Variants in GABRG3 observed in about 807,000 individuals in gnomAD.
GABRG3 encodes gamma-aminobutyric acid type A receptor subunit gamma3, also known as gamma-aminobutyric acid receptor subunit gamma-3.
A neutral mutation model predicts 48.8 loss-of-function variants in GABRG3; 25 were observed. That is an observed-to-expected ratio of 0.51 (90% CI 0.37 to 0.72). GABRG3 has a LOEUF of 0.72. Ranked by LOEUF, GABRG3 falls within the 30% of genes least tolerant of loss-of-function variation. The probability of loss-of-function intolerance (pLI) is 0.00; values close to 1 mark genes in which losing one functional copy is unlikely to be tolerated. For missense variants in GABRG3, 394 were observed against 577.9 expected (o/e 0.68, Z 3.26); for synonymous variants, 227 against 217.6 (o/e 1.04, Z -0.38).
At chr15:27,495,234 C>T (rs1890456568) in intron 6 of GABRG3, among the ~76,000 whole-genome samples, 3 of 152,162 alleles carry the variant, frequency 2.0e-5, no homozygotes, top group Admixed American at 6.5e-5. Flanking sequence ...TCCCTTTGTG[C>T]CTGGCTTATT....
rs1292609621 is a variant in GABRG3, at chr15:27,134,261, C to T, written c.270+107440C>T. On this transcript the variant is annotated intron_variant, in intron 3 of 9. Coordinates refer to ENST00000615808, the MANE Select transcript of GABRG3 (RefSeq NM_033223.5). ...TTAACTTAAGCATACACTTTATTAA[C>T]GAGCAGACTGCAGGTACTAAACACA... 2.0e-5 allele frequency among the ~76,000 whole-genome samples: 3 copies of T among 152,154 alleles called. 1 individual carries two copies. Among genetic ancestry groups the T allele is most frequent in the African/African-American group, 7.2e-5 (3 of 41,440 alleles).
chr15:27,454,042 C>T (rs535194163), intron 5 of GABRG3, among the ~76,000 whole-genome samples: 7 of 152,324 alleles, frequency 4.6e-5, no homozygotes, highest in East Asian at 1.9e-4. Flanking sequence ...ATGTCCACAC[C>T]GGGAGGTAGT....
intron 3 of GABRG3, among the ~76,000 whole-genome samples, chr15:27,136,877 G>C (rs1898017961): frequency 6.6e-6 from 1 of 151,920 alleles, no homozygotes; most frequent in South Asian, 2.1e-4. Context: ...CCCTAACCTA[G>C]GGGGCTCTCT....
intron 3 of GABRG3, among the ~76,000 whole-genome samples, chr15:27,127,886 G>A (rs1897849001): frequency 6.6e-6 from 1 of 152,186 alleles, no homozygotes. Context: ...AGGTGTGGAG[G>A]GTGGAGATGA....
chr15:27,020,191 G>A (rs1272027141), intron 2 of GABRG3, among the ~76,000 whole-genome samples: 1 of 152,094 alleles, frequency 6.6e-6, no homozygotes. Flanking sequence ...CCTGCAGTCA[G>A]GCCGCACCCT....
intron 3 of GABRG3, among the ~76,000 whole-genome samples, chr15:27,239,738 A>C (rs1476354090): frequency 6.6e-6 from 1 of 152,186 alleles, no homozygotes; most frequent in Non-Finnish European, 1.5e-5. Flanking sequence ...CATCTGCTTA[A>C]ATATATTGGT....
At chr15:27,408,612 C>T (rs1298893330) in intron 5 of GABRG3, among the ~76,000 whole-genome samples, 4 of 152,128 alleles carry the variant, frequency 2.6e-5, no homozygotes, top group South Asian at 2.1e-4. Flanking sequence ...CTGTGAGGGC[C>T]GCGGGTCTGC....
chr15:27,108,899 C>G (rs993251565), intron 3 of GABRG3, among the ~76,000 whole-genome samples: 3 of 151,910 alleles, frequency 2.0e-5, no homozygotes, highest in African/African-American at 7.3e-5. Context: ...TCCAACTTTC[C>G]TTTGATTAAA....
At chr15:27,050,122 T>G (rs1896432420) in intron 3 of GABRG3, among the ~76,000 whole-genome samples, 1 of 152,200 alleles carries the variant, frequency 6.6e-6, no homozygotes, top group Non-Finnish European at 1.5e-5. Context: ...CTGATACCTA[T>G]GTATATGCAG....
At chr15:27,521,442 G>C (rs1396317060) in intron 7 of GABRG3, among the ~76,000 whole-genome samples, 1 of 152,048 alleles carries the variant, frequency 6.6e-6, no homozygotes, top group Non-Finnish European at 1.5e-5. Context: ...AGATAATATA[G>C]TGCAGACTCT....
intron 3 of GABRG3, among the ~76,000 whole-genome samples, chr15:27,054,111 C>A (rs1757331970): frequency 6.6e-6 from 1 of 152,022 alleles, no homozygotes; most frequent in Non-Finnish European, 1.5e-5. Context: ...AAATAGCACG[C>A]ACCTGTAATC....
chr15:27,462,241 C>A (rs1183735255), intron 5 of GABRG3, among the ~76,000 whole-genome samples: 2 of 152,116 alleles, frequency 1.3e-5, no homozygotes, highest in African/African-American at 2.4e-5. Context: ...AGCTTATCAG[C>A]ATCTGCCTGT....
chr15:27,492,946 TA>T (rs5811490), intron 6 of GABRG3, among the ~76,000 whole-genome samples: 105,593 of 152,074 alleles, frequency 0.69, 37,046 homozygotes, highest in East Asian at 0.87. Context: ...AATAGTTGTA[TA>T]AAAATCTTCT....
At chr15:27,279,122 AG>A (rs1431435555) in intron 3 of GABRG3, among the ~76,000 whole-genome samples, 2 of 152,096 alleles carry the variant, frequency 1.3e-5, no homozygotes, top group African/African-American at 4.8e-5. Context: ...TCATTTTCTA[AG>A]TGAATTGTTT....
intron 3 of GABRG3, among the ~76,000 whole-genome samples, chr15:27,064,963 TAGTC>T (rs1266386139): frequency 6.6e-5 from 10 of 152,222 alleles, no homozygotes; most frequent in Admixed American, 2.0e-4. Context: ...ACACTAATTT[TAGTC>T]AGTTAAATTT....
intron 3 of GABRG3, among the ~76,000 whole-genome samples, chr15:27,161,859 C>G (rs866869319): frequency 1.3e-5 from 2 of 152,096 alleles, no homozygotes; most frequent in Non-Finnish European, 2.9e-5. Context: ...TAATACATCA[C>G]AGCTTCTATA....
chr15:27,220,498 T>C (rs187581560), intron 3 of GABRG3, among the ~76,000 whole-genome samples: 11 of 152,260 alleles, frequency 7.2e-5, no homozygotes, highest in Admixed American at 3.3e-4. Flanking sequence ...TTTAGGCTCC[T>C]CAGGAAGAAA....
chr15:27,313,268 A>G (rs1221000684), intron 3 of GABRG3, among the ~76,000 whole-genome samples: 3,022 of 31,926 alleles, frequency 0.095, 77 homozygotes, highest in African/African-American at 0.14. Flanking sequence ...GTGTGTATAT[A>G]TATATATATA....
At chr15:27,288,956 C>A (rs1891710229) in intron 3 of GABRG3, among the ~76,000 whole-genome samples, 1 of 152,234 alleles carries the variant, frequency 6.6e-6, no homozygotes, top group Middle Eastern at 3.4e-3. Context: ...GTATAGAATT[C>A]TTGGTTAAGA....
Sources: gnomAD v4.1 joint callset for allele counts (sites outside exome capture counted in the v4.1 genomes callset) on GRCh38, gnomAD v4.1.1 for gene constraint, MANE v1.5 for transcripts, NCBI Gene and HGNC (gene_info 2026-07-23, HGNC 2026-07-21) for gene names.